The following CARF variants were observed in gnomAD, a reference collection of about 807,000 sequenced individuals.
The protein encoded by CARF is calcium-responsive transcription factor.
In CARF, 57 loss-of-function variants were observed where a neutral mutation model predicts 82.0. That is an observed-to-expected ratio of 0.70 (90% confidence interval 0.56 to 0.87). The LOEUF is 0.87. CARF is among the 40% of genes least tolerant of loss of function. The pLI, the probability that CARF is intolerant of heterozygous loss-of-function variation, is 0.00. For missense variants in CARF, 771 were observed against 855.8 expected, an observed-to-expected ratio of 0.90 and a Z score of 1.24; for synonymous variants, 268 against 290.1, an observed-to-expected ratio of 0.92 and a Z score of 0.77.
intron 3 of CARF, among the ~76,000 whole-genome samples, chr2:202,938,555 C>G (rs2058059931): frequency 6.7e-6 from 1 of 150,296 alleles, no homozygotes; most frequent in Admixed American, 6.7e-5. Context: ...ACAGGGTGAG[C>G]CACCGTGCCC....
intron 1 of CARF, among the ~76,000 whole-genome samples, chr2:202,916,560 A>G (rs1689706388): frequency 6.6e-6 from 1 of 152,182 alleles, no homozygotes; most frequent in Non-Finnish European, 1.5e-5. Flanking sequence ...ATCTTAGGAC[A>G]TTAACCAAGG....
intron 14 of CARF, among the ~76,000 whole-genome samples, chr2:202,980,627 T>C (rs1459885829): frequency 2.1e-5 from 1 of 48,698 alleles, no homozygotes; most frequent in Non-Finnish European, 5.1e-5. Flanking sequence ...TATATATATA[T>C]ATATATATAT....
chr2:202,977,369 A>T, intron 14 of CARF, 37 bp downstream of exon 14: 1 of 1,468,750 alleles, frequency 6.8e-7, no homozygotes, highest in Non-Finnish European at 9.5e-7. Context: ...TATAAATTCA[A>T]ATGGTGTTTA....
chr2:202,925,389 C>T, intron 3 of CARF: 1 of 292,954 alleles, frequency 3.4e-6, no homozygotes. Flanking sequence ...TGGACAACAG[C>T]CACTCCCTCG....
chr2:202,957,030 C>T (rs1322794653), intron 8 of CARF, among the ~76,000 whole-genome samples: 1 of 152,126 alleles, frequency 6.6e-6, no homozygotes, highest in African/African-American at 2.4e-5. Flanking sequence ...CTCAGGTGAT[C>T]CTCCCGCCTC....
intron 3 of CARF, among the ~76,000 whole-genome samples, chr2:202,935,663 G>T (rs1016978225): frequency 4.3e-4 from 66 of 152,060 alleles, no homozygotes; most frequent in African/African-American, 1.2e-3. Flanking sequence ...GGGTTCCGGT[G>T]ATCCACCCAC....
intron 1 of CARF, among the ~76,000 whole-genome samples, chr2:202,917,229 A>AAG (rs1298699096): frequency 2.0e-5 from 3 of 150,246 alleles, no homozygotes; most frequent in Non-Finnish European, 4.4e-5. Flanking sequence ...AAAAAAAAAA[A>AAG]AAAAAAAGCG....
chr2:202,926,891 T>C (rs1691929931), intron 3 of CARF, among the ~76,000 whole-genome samples: 1 of 152,192 alleles, frequency 6.6e-6, no homozygotes, highest in Admixed American at 6.5e-5. Context: ...GGTGCAATCA[T>C]AGCTCACTGC....
At chr2:202,966,333 TATAAA>T (rs2059548109) in intron 9 of CARF, among the ~76,000 whole-genome samples, 1 of 152,088 alleles carries the variant, frequency 6.6e-6, no homozygotes, top group East Asian at 1.9e-4. Context: ...AGAAAATAAT[TATAAA>T]AGGAAATAAA....
At chr2:202,915,036 T>C (rs1211632346) in intron 1 of CARF, among the ~76,000 whole-genome samples, 4 of 152,036 alleles carry the variant, frequency 2.6e-5, no homozygotes, top group Non-Finnish European at 5.9e-5. Flanking sequence ...TTTTTGTTTT[T>C]TTTCAGAGTC....
chr2:202,964,302 C>T (rs1205274446), intron 9 of CARF, among the ~76,000 whole-genome samples: 2 of 151,022 alleles, frequency 1.3e-5, no homozygotes, highest in East Asian at 1.9e-4. Flanking sequence ...TTTTTTGAGT[C>T]GGGGTCTCAC....
In CARF at chr2:202,987,747, A is replaced by G. The variant is rs572237120; in HGVS notation, c.*4123A>G. On this transcript the variant is annotated 3_prime_UTR_variant, in exon 17 of 17. Coordinates refer to ENST00000438828, the MANE Select transcript of CARF (RefSeq NM_024744.17). Reference sequence around the variant, plus strand: ...TTTGGTAATGTGATTTGGGTATAAGAATACTAAAACCAGAGTACAGGGTGT... The same window carrying G: ...TTTGGTAATGTGATTTGGGTATAAGGATACTAAAACCAGAGTACAGGGTGT... 1.4e-4 allele frequency among the ~76,000 whole-genome samples: 21 copies of G among 152,342 alleles called. No individual in the cohort carries two copies. Among genetic ancestry groups the G allele is most frequent in the South Asian group, 6.2e-4 (3 of 4,828 alleles).
At chr2:202,916,333 A>G (rs1304598730) in intron 1 of CARF, among the ~76,000 whole-genome samples, 2 of 152,044 alleles carry the variant, frequency 1.3e-5, no homozygotes, top group Non-Finnish European at 1.5e-5. Context: ...GGTGCGCACC[A>G]CCACACCTAG....
intron 5 of CARF, among the ~76,000 whole-genome samples, chr2:202,951,100 ACAGCAG>A (rs1400160662): frequency 6.6e-6 from 1 of 151,852 alleles, no homozygotes; most frequent in African/African-American, 2.4e-5. Context: ...AGGCTGGAGT[ACAGCAG>A]CATGATCACG....
chr2:202,983,858 C>G lies in CARF; in HGVS notation c.*234C>G. On this transcript the variant is annotated 3_prime_UTR_variant, in exon 17 of 17. Coordinates refer to ENST00000438828, the MANE Select transcript of CARF (RefSeq NM_024744.17). The stretch of plus-strand genomic sequence containing the variant: ...TATGCTCTTTGATTATCTAATAAGG[C>G]CAGTATTTCAAAAGCTGTTCTGAAT... The G allele has an allele frequency of 2.5e-6, 1 of 407,504 alleles. No individual in the cohort carries two copies. The highest frequency in any genetic ancestry group is 4.3e-6 in the Non-Finnish European group (1 of 232,328). 25.2% of individuals were successfully genotyped at this position (407,504 alleles called of 1,614,324 possible).
intron 8 of CARF, among the ~76,000 whole-genome samples, chr2:202,958,176 T>C (rs2059136906): frequency 6.6e-6 from 1 of 152,008 alleles, no homozygotes; most frequent in Non-Finnish European, 1.5e-5. Context: ...AACCTTGTGC[T>C]ATATATATTA....
At chr2:202,944,735 G>A (rs2058407795) in intron 5 of CARF, among the ~76,000 whole-genome samples, 1 of 151,490 alleles carries the variant, frequency 6.6e-6, no homozygotes, top group Non-Finnish European at 1.5e-5. Flanking sequence ...TACTTCTGTA[G>A]TTTCCCCTTT....
intron 1 of CARF, among the ~76,000 whole-genome samples, chr2:202,916,627 G>A (rs1432928321): frequency 6.6e-6 from 1 of 152,044 alleles, no homozygotes; most frequent in Non-Finnish European, 1.5e-5. Flanking sequence ...ACCCTATTTG[G>A]GGATTTATTC....
intron 5 of CARF, among the ~76,000 whole-genome samples, chr2:202,944,521 T>C (rs917915484): frequency 6.6e-6 from 1 of 152,236 alleles, no homozygotes; most frequent in African/African-American, 2.4e-5. Flanking sequence ...TCCTTTATGA[T>C]CCAGCCAAAT....
Sources: allele counts gnomAD v4.1 joint callset (sites outside exome capture counted in the v4.1 genomes callset), GRCh38; gene constraint gnomAD v4.1.1; transcripts MANE v1.5; gene names NCBI Gene and HGNC (gene_info 2026-07-23, HGNC 2026-07-21).